Variants in CCDC102B observed in about 807,000 individuals in gnomAD.
CCDC102B encodes the protein coiled-coil domain-containing protein 102B.
In CCDC102B, 75 loss-of-function variants were observed where a neutral mutation model predicts 57.4. The observed-to-expected ratio is 1.31, with a 90% CI of 1.08 to 1.58. The LOEUF is 1.58. CCDC102B is among the 40% of genes most tolerant of loss of function. The probability of loss-of-function intolerance (pLI) is 0.00; values close to 1 mark genes in which losing one functional copy is unlikely to be tolerated. For missense variants in CCDC102B, 636 were observed against 582.6 expected, an observed-to-expected ratio of 1.09 and a Z score of -0.94; for synonymous variants, 206 against 201.9, an observed-to-expected ratio of 1.02 and a Z score of -0.17.
chr18:68,943,018 T>C lies in CCDC102B; in HGVS notation c.1263+45590T>C, dbSNP rs2049428639. Among the ~76,000 whole-genome samples the C allele has an allele frequency of 1.6e-5, 2 of 126,116 alleles. 1 individual carries two copies. The highest frequency in any genetic ancestry group is 3.6e-5 in the Non-Finnish European group (2 of 55,072). The allele number at this position is 126,116 out of a possible 152,430, so 82.7% of individuals were successfully genotyped here. A position where few individuals can be genotyped will look rare whatever the true frequency, so the allele number is the denominator to read the frequency against. On this transcript the variant is annotated intron_variant, in intron 6 of 7. Transcript: ENST00000360242. ...TTAACAAGCATGCTGCCTTCAAGCA[T>C]TTGTTTAACAAAGCACATCCTGCAT... is the stretch of plus-strand genomic sequence containing the variant.
At chr18:68,993,028 CT>C (rs2050916073) in intron 6 of CCDC102B, 3 of 156,512 alleles carry the variant, frequency 1.9e-5, no homozygotes, top group African/African-American at 7.2e-5. Flanking sequence ...CTCCAGCTGT[CT>C]GGCACCAGCC....
chr18:69,007,930 T>C (rs753205469), intron 6 of CCDC102B, among the ~76,000 whole-genome samples: 2 of 152,236 alleles, frequency 1.3e-5, no homozygotes, highest in Non-Finnish European at 2.9e-5. Flanking sequence ...GAAGGCTTAT[T>C]GCTTACTCCT....
Position 68,881,069 on chromosome 18 carries a change from TAACTC to T in CCDC102B, c.1053+6286_1053+6290del, listed in dbSNP as rs554681066. Among the ~76,000 whole-genome samples the T allele has an allele frequency of 1.4e-3, 217 of 152,330 alleles. 1 individual carries two copies. The highest frequency in any genetic ancestry group is 6.8e-3 in the Middle Eastern group (2 of 294). On this transcript the variant is annotated intron_variant, in intron 5 of 7. Coordinates refer to ENST00000360242, the MANE Select transcript of CCDC102B (RefSeq NM_024781.3). ...GACAATAATTGCTTTACTGAAGAAA[TAACTC>T]AGACTGGTGATAAATCAAAACAATT...
chr18:68,838,334 C>T lies in CCDC102B; in HGVS notation c.607-372C>T, dbSNP rs1269617245. 7 of 816,668 alleles carry T rather than the reference C, an allele frequency of 8.6e-6. No individual in the cohort carries two copies. The African/African-American group carries it at 1.3e-4, about 15-fold the overall frequency. The allele number at this position is 816,668 out of a possible 1,614,324, so 50.6% of individuals were successfully genotyped here. On this transcript the variant is annotated intron_variant, in intron 2 of 7. Coordinates refer to ENST00000360242, the MANE Select transcript of CCDC102B (RefSeq NM_024781.3). ...TTTCAAAAATGTTAAAAAATGATTGCTTTGAAACTGTAAGTGTCTTATGAC... is the reference window on the plus strand; with the variant it reads ...TTTCAAAAATGTTAAAAAATGATTGTTTTGAAACTGTAAGTGTCTTATGAC...
Position 68,738,200 on chromosome 18 carries a change from T to C in CCDC102B, c.-67+21606T>C, listed in dbSNP as rs1184923011. 2.0e-5 allele frequency among the ~76,000 whole-genome samples: 3 copies of C among 152,298 alleles called. No homozygotes were observed. The East Asian group carries it at 5.8e-4, about 29-fold the overall frequency. ...TATTCCTTGGTCGTATGTCCACTGCTTCACCTCCATTGCTATAAAGTGGGT... is the reference window on the plus strand; with the variant it reads ...TATTCCTTGGTCGTATGTCCACTGCCTCACCTCCATTGCTATAAAGTGGGT... On this transcript the variant is annotated intron_variant, in intron 2 of 3. Transcript: ENST00000578970.
intron 5 of CCDC102B, among the ~76,000 whole-genome samples, chr18:68,885,830 C>G (rs2039864654): frequency 6.6e-6 from 1 of 151,488 alleles, no homozygotes; most frequent in Admixed American, 6.6e-5. Flanking sequence ...AAGTTGATGC[C>G]AGGTAAAAGA....
At chr18:68,985,009 T>G (rs540453532) in intron 6 of CCDC102B, among the ~76,000 whole-genome samples, 2 of 152,286 alleles carry the variant, frequency 1.3e-5, no homozygotes, top group East Asian at 3.9e-4. Context: ...TATATACTAT[T>G]TCTCAGCCTG....
intron 6 of CCDC102B, among the ~76,000 whole-genome samples, chr18:68,999,443 TA>T (rs529270353): frequency 0.037 from 4,388 of 118,978 alleles, 113 homozygotes; most frequent in East Asian, 0.15. Flanking sequence ...CTGAAAATAG[TA>T]AAAAAAAAAA....
rs559906677 is a variant in CCDC102B at position 68,892,142 on chromosome 18, C to A, written c.1054-5077C>A. Among the ~76,000 whole-genome samples, 31 of 152,264 alleles carry A rather than the reference C, an allele frequency of 2.0e-4. No homozygotes were observed. The East Asian group carries it at 3.1e-3, about 15-fold the overall frequency. On this transcript the variant is annotated intron_variant, in intron 5 of 7. Coordinates refer to ENST00000360242, the MANE Select transcript of CCDC102B (RefSeq NM_024781.3). The stretch of plus-strand genomic sequence containing the variant: ...GATTCTTTGATAATTCCCTTAATAT[C>A]AACTTCTTGCTTTCCTCCTGTCCCT...
At chr18:68,728,751 A>C (rs890887256) in intron 2 of CCDC102B, among the ~76,000 whole-genome samples, 9 of 151,934 alleles carry the variant, frequency 5.9e-5, no homozygotes, top group African/African-American at 1.9e-4. Flanking sequence ...AGAGTAAGAC[A>C]AAAAAAATAG....
At chr18:68,877,148 G>A (rs1358731974) in intron 5 of CCDC102B, among the ~76,000 whole-genome samples, 9 of 152,120 alleles carry the variant, frequency 5.9e-5, no homozygotes, top group Non-Finnish European at 1.3e-4. Context: ...GCTAACTTAG[G>A]TTGATGATTG....
chr18:69,025,874 T>C (rs1268151785), intron 7 of CCDC102B, among the ~76,000 whole-genome samples: 2 of 152,180 alleles, frequency 1.3e-5, no homozygotes, highest in South Asian at 2.1e-4. Flanking sequence ...GATCCGGAAC[T>C]AGTTCCACAT....
At chr18:68,722,019 A>G (rs1040825802) in intron 2 of CCDC102B, among the ~76,000 whole-genome samples, 8 of 152,250 alleles carry the variant, frequency 5.3e-5, no homozygotes, top group Admixed American at 3.9e-4. Context: ...GGGAGGAAAC[A>G]ACCGAAGTAA....
chr18:68,992,111 G>A (rs918773213), intron 6 of CCDC102B, among the ~76,000 whole-genome samples: 5 of 150,610 alleles, frequency 3.3e-5, no homozygotes, highest in African/African-American at 4.9e-5. Flanking sequence ...TTTTCATTTG[G>A]TTCTCTGATT....
chr18:68,982,602 G>A (rs2050620817), intron 6 of CCDC102B, among the ~76,000 whole-genome samples: 1 of 151,742 alleles, frequency 6.6e-6, no homozygotes, highest in South Asian at 2.1e-4. Flanking sequence ...ATATGTCAGG[G>A]CAATTTTTAA....
intron 1 of CCDC102B, among the ~76,000 whole-genome samples, chr18:68,812,312 A>C (rs756421267): frequency 1.3e-5 from 2 of 152,118 alleles, no homozygotes; most frequent in Non-Finnish European, 2.9e-5. Flanking sequence ...AAGTGATAAA[A>C]TTTTAAGATG....
At chr18:68,885,863 G>T (rs2039865745) in intron 5 of CCDC102B, among the ~76,000 whole-genome samples, 1 of 151,880 alleles carries the variant, frequency 6.6e-6, no homozygotes. Flanking sequence ...AAATAAAAGT[G>T]ACACTCATAT....
At chr18:68,911,523 C>T (rs896607884) in intron 6 of CCDC102B, among the ~76,000 whole-genome samples, 78 of 150,178 alleles carry the variant, frequency 5.2e-4, no homozygotes, top group Admixed American at 9.2e-4. Context: ...GAGGCCGAGG[C>T]GGGCGGATCA....
At chr18:68,987,959 G>A (rs12956017) in intron 6 of CCDC102B, among the ~76,000 whole-genome samples, 2,896 of 152,314 alleles carry the variant, frequency 0.019, 26 homozygotes, top group South Asian at 0.033. Flanking sequence ...ATGTAAATTA[G>A]TTCAGCCGCT....
Sources: allele counts gnomAD v4.1 joint callset (sites outside exome capture counted in the v4.1 genomes callset), GRCh38; gene constraint gnomAD v4.1.1; transcripts MANE v1.5; gene names NCBI Gene and HGNC (gene_info 2026-07-23, HGNC 2026-07-21).